Variants in SAMD13 observed in about 807,000 individuals in gnomAD.
SAMD13 encodes the protein sterile alpha motif domain containing 13, also known as sterile alpha motif domain-containing protein 13.
SAMD13 carries 9 observed loss-of-function variants against 12.4 expected under a neutral mutation model. The observed-to-expected ratio is 0.72, with a 90% CI of 0.44 to 1.26. The LOEUF is 1.26. SAMD13 is among the 50% of genes most tolerant of loss of function. The probability of loss-of-function intolerance (pLI) is 0.00; values close to 1 mark genes in which losing one functional copy is unlikely to be tolerated. For missense variants in SAMD13, 84 were observed against 119.6 expected (o/e 0.70, Z 1.39); for synonymous variants, 46 against 45.4 (o/e 1.01, Z -0.05).
intron 2 of SAMD13, among the ~76,000 whole-genome samples, chr1:84,320,551 T>C (rs1678919876): frequency 6.6e-6 from 1 of 152,232 alleles, no homozygotes; most frequent in South Asian, 2.1e-4. Context: ...CTAATGCTCA[T>C]TTAGTTGCTT....
intron 2 of SAMD13, among the ~76,000 whole-genome samples, chr1:84,306,301 A>ATTTTTTTTTTTTTTTTTTTTTTTTTTTTT (rs1257251294): frequency 6.6e-6 from 1 of 152,056 alleles, no homozygotes; most frequent in African/African-American, 2.4e-5. Flanking sequence ...AATACAATTG[A>ATTTTTTTTTTTTTTTTTTTTTTTTTTTTT]TTTTTTATAT....
At chr1:84,299,928 G>C (rs907291589), upstream of SAMD13, among the ~76,000 whole-genome samples, 1 of 152,064 alleles carries the variant, frequency 6.6e-6, no homozygotes, top group Non-Finnish European at 1.5e-5. Context: ...AAACTTCACA[G>C]AATCCTTTCT....
chr1:84,338,502 C>T (rs112508880), intron 3 of SAMD13, among the ~76,000 whole-genome samples: 31 of 143,572 alleles, frequency 2.2e-4, no homozygotes, highest in Non-Finnish European at 4.2e-4. Context: ...CAATGGCGTG[C>T]TCTCAGCTCA....
At chr1:84,321,807 A>G (rs1347737718) in intron 2 of SAMD13, among the ~76,000 whole-genome samples, 1 of 152,034 alleles carries the variant, frequency 6.6e-6, no homozygotes, top group African/African-American at 2.4e-5. Context: ...TGCCCCGCAC[A>G]CCCTTCCACT....
At chr1:84,309,812 T>C (rs959216695) in intron 2 of SAMD13, among the ~76,000 whole-genome samples, 1 of 151,752 alleles carries the variant, frequency 6.6e-6, no homozygotes, top group Non-Finnish European at 1.5e-5. Context: ...TATGAAGAGG[T>C]GTGTAGTACC....
chr1:84,325,723 A>G lies in SAMD13; in HGVS notation c.140A>G (p.Glu47Gly), dbSNP rs1338928093. Residue 47 changes from glutamate to glycine, a missense_variant, in exon 3 of 4, where the codon GAG becomes GGG. By Grantham distance (98) the Glu-to-Gly change is moderately conservative (BLOSUM62 -2). Coordinates refer to ENST00000394834, the MANE Select transcript of SAMD13 (RefSeq NM_001134663.2). The part of the protein sequence containing the change: ...VNYFRTVGFE[E>G]QASAFQEQEI... ...TATTTCCGAACCGTGGGATTTGAGG[A>G]GCAAGCTAGTGCTTTTCAGGAACAG... 6.2e-7 allele frequency: 1 copy of G among 1,612,410 alleles called. No individual in the cohort carries two copies. Among genetic ancestry groups the G allele is most frequent in the Admixed American group, 1.7e-5 (1 of 59,956 alleles).
At chr1:84,301,429 A>C (rs954816953), upstream of SAMD13, among the ~76,000 whole-genome samples, 1 of 152,212 alleles carries the variant, frequency 6.6e-6, no homozygotes, top group African/African-American at 2.4e-5. Flanking sequence ...GCAACAATGA[A>C]GGGGAGGGAG....
At chr1:84,302,645 G>T (rs1005132185) in intron 1 of SAMD13, 1 of 986,674 alleles carries the variant, frequency 1.0e-6, no homozygotes, top group African/African-American at 1.7e-5. Flanking sequence ...ACCACAGCAT[G>T]GCCATCTCAC....
intron 3 of SAMD13, among the ~76,000 whole-genome samples, chr1:84,349,420 A>C (rs1028533664): frequency 6.6e-6 from 1 of 152,228 alleles, no homozygotes; most frequent in Non-Finnish European, 1.5e-5. Flanking sequence ...AAGCAAGATC[A>C]GCTATAGATT....
chr1:84,332,934 A>G (rs393396), intron 3 of SAMD13, among the ~76,000 whole-genome samples: 70,082 of 151,996 alleles, frequency 0.46, 17,640 homozygotes, highest in East Asian at 0.6. Context: ...TCCAGTTTCA[A>G]TCTTCTGCAT....
At chr1:84,341,753 G>C (rs151177935) in intron 3 of SAMD13, among the ~76,000 whole-genome samples, 3 of 152,180 alleles carry the variant, frequency 2.0e-5, no homozygotes, top group Admixed American at 2.0e-4. Context: ...AGGAGTGAGA[G>C]ACAGATCAGG....
chr1:84,310,723 T>C (rs1043475679), intron 2 of SAMD13, among the ~76,000 whole-genome samples: 2 of 152,218 alleles, frequency 1.3e-5, no homozygotes, highest in African/African-American at 4.8e-5. Flanking sequence ...ACTATGTCTG[T>C]TCAAGTTAAA....
At chr1:84,328,458 T>C (rs1679105862) in intron 3 of SAMD13, among the ~76,000 whole-genome samples, 1 of 152,114 alleles carries the variant, frequency 6.6e-6, no homozygotes, top group African/African-American at 2.4e-5. Flanking sequence ...GGAAGGGTGA[T>C]TGGGTCAGGG....
chr1:84,306,641 T>TA (rs1678578852), intron 2 of SAMD13, among the ~76,000 whole-genome samples: 1 of 8,734 alleles, frequency 1.1e-4, no homozygotes, highest in African/African-American at 3.3e-4. Flanking sequence ...CTACTAAAAA[T>TA]ACCAAAAAAA....
At chr1:84,325,810 C>A in intron 3 of SAMD13, 62 bp downstream of exon 3, 1 of 973,536 alleles carries the variant, frequency 1.0e-6, no homozygotes, top group East Asian at 2.4e-5. Context: ...CCTCCCTTCC[C>A]AACAGTGGGC....
At chr1:84,302,944 A>G in intron 1 of SAMD13, 1 of 320,048 alleles carries the variant, frequency 3.1e-6, no homozygotes, top group Middle Eastern at 1.1e-3. Context: ...CTTGTTTTCA[A>G]CGAGGATTCA....
At chr1:84,298,617 C>T (rs775590286), upstream of SAMD13, 2 of 1,273,636 alleles carry the variant, frequency 1.6e-6, no homozygotes, top group African/African-American at 1.5e-5. Context: ...CCCGCCCTCT[C>T]CTCTCTCCAG....
chr1:84,303,191 C>T lies in SAMD13; in HGVS notation c.-32-12C>T. The T allele has an allele frequency of 1.9e-6, 3 of 1,596,618 alleles. No homozygotes were observed. The highest frequency in any genetic ancestry group is 2.6e-6 in the Non-Finnish European group (3 of 1,164,732). On this transcript the variant is annotated splice_polypyrimidine_tract_variant and intron_variant, in intron 1 of 3. Transcript: ENST00000394834. Reference sequence around the variant, plus strand: ...AAGAATTAAACACAAGCTTTTCTCCCTTATTGATTAGTTGCTGAAGTAAAG... The same window carrying T: ...AAGAATTAAACACAAGCTTTTCTCCTTTATTGATTAGTTGCTGAAGTAAAG...
intron 2 of SAMD13, among the ~76,000 whole-genome samples, chr1:84,322,132 C>T (rs954541471): frequency 6.6e-6 from 1 of 152,158 alleles, no homozygotes; most frequent in Admixed American, 6.5e-5. Context: ...CCCCTCGATT[C>T]GAATATTCCT....
Sources: allele counts gnomAD v4.1 joint callset (sites outside exome capture counted in the v4.1 genomes callset), GRCh38; gene constraint gnomAD v4.1.1; transcripts MANE v1.5; gene names NCBI Gene and HGNC (gene_info 2026-07-23, HGNC 2026-07-21).